The following NOTCH3 variants were observed in gnomAD, a reference collection of about 807,000 sequenced individuals.
NOTCH3 encodes the protein notch receptor 3.
A neutral mutation model predicts 213.3 loss-of-function variants in NOTCH3; 86 were observed. The observed-to-expected ratio is 0.40, with a 90% CI of 0.34 to 0.48. The LOEUF is 0.48. Ranked by LOEUF, NOTCH3 falls within the 20% of genes least tolerant of loss-of-function variation. The probability of loss-of-function intolerance (pLI) is 0.57; values close to 1 mark genes in which losing one functional copy is unlikely to be tolerated. For synonymous variants in NOTCH3, 1,354 were observed against 1,355.9 expected (o/e 1.00, Z 0.03); for missense variants, 2,783 against 3,272.6 (o/e 0.85, Z 3.65).
chr19:15,198,957 G>A (rs764022636), intron 1 of NOTCH3, among the ~76,000 whole-genome samples: 3 of 152,092 alleles, frequency 2.0e-5, no homozygotes, highest in Non-Finnish European at 4.4e-5. Context: ...AAAACAAGAG[G>A]GTGAGTTACA....
At position 15,170,163 on chromosome 19, in the gene NOTCH3, C is replaced by G; in HGVS notation, c.5122G>C (p.Ala1708Pro). The change falls in exon 28 of 33, where the codon GCC becomes CCC. Residue 1708 changes from alanine (A) to proline (P), a missense_variant. Physicochemically the swap from Ala to Pro is conservative, Grantham distance 27. Transcript: ENST00000263388. ...GQDALGMKNM[A>P]KGESLMGEVA... ...TCCCCCATCAGGCTCTCACCCTTGGCCATGTTCCTGGCGGACAATGGGAAG... is the reference window on the plus strand; with the variant it reads ...TCCCCCATCAGGCTCTCACCCTTGGGCATGTTCCTGGCGGACAATGGGAAG... 6.2e-7 allele frequency: 1 copy of G among 1,603,594 alleles called. No individual in the cohort carries two copies. Among genetic ancestry groups the G allele is most frequent in the Non-Finnish European group, 8.5e-7 (1 of 1,174,506 alleles).
At position 15,170,512 on chromosome 19, in the gene NOTCH3, G is replaced by C; in HGVS notation, c.4933C>G (p.Pro1645Ala). ...AAGACAGCGCCCGCCACTAGCAGTG[G>C]CAGCAGCGGGACGCTGGGTTCTGGA... ...EPPEPSVPLL[P>A]LLVAGAVLLL... The change falls in exon 27 of 33, where the codon CCA (proline) becomes GCA (alanine). Residue 1645 changes from proline to alanine, a missense_variant. By Grantham distance (27) the Pro-to-Ala change is conservative. This residue lies in a region of NOTCH3 where 636 missense variants were observed against 801.8 expected (regional missense o/e 0.79). Transcript: ENST00000263388. 1 of 1,610,292 alleles carries C rather than the reference G, an allele frequency of 6.2e-7. No individual in the cohort carries two copies. The highest frequency in any genetic ancestry group is 8.5e-7 in the Non-Finnish European group (1 of 1,179,946).
chr19:15,187,328 G>C lies in NOTCH3; in HGVS notation c.1617C>G (p.Gly539=), dbSNP rs1452333444. ...CGTCCACGTTGCGATCACACAGCGT[G>C]CCCTCAAAGCCTGTGGGGCCAAGAG... ...YECRCAEGFE[G]TLCDRNVDDC... The change falls in exon 11 of 33, where the codon GGC becomes GGG. Residue 539 remains glycine, a synonymous_variant. Transcript: ENST00000263388. 4.3e-6 allele frequency: 7 copies of C among 1,613,026 alleles called. No homozygotes were observed. Among genetic ancestry groups the C allele is most frequent in the Non-Finnish European group, 5.9e-6 (7 of 1,179,698 alleles).
At chr19:15,199,620 C>T (rs1056791632) in intron 1 of NOTCH3, among the ~76,000 whole-genome samples, 4 of 152,162 alleles carry the variant, frequency 2.6e-5, no homozygotes, top group African/African-American at 9.7e-5. Flanking sequence ...TGCAAGTCTG[C>T]GAGTGTGCTG....
At chr19:15,191,928 C>G in intron 4 of NOTCH3, 32 bp downstream of exon 4, 2 of 1,613,682 alleles carry the variant, frequency 1.2e-6, no homozygotes, top group South Asian at 2.2e-5. Context: ...CCACGCCCAC[C>G]CCTCTGACTC....
At position 15,161,553 on chromosome 19, in the gene NOTCH3, A is replaced by G. The variant is rs1297429347; in HGVS notation, c.6075T>C (p.Asp2025=). The G allele has an allele frequency of 6.2e-7, 1 of 1,607,968 alleles. No homozygotes were observed. Among genetic ancestry groups the G allele is most frequent in the African/African-American group, 1.3e-5 (1 of 74,838 alleles). The stretch of plus-strand genomic sequence containing the variant: ...GGGGGCTGCGGGGCCCACTGGGTTG[A>G]TCCAGCAAGCGCACGATGTCCTGGT... ...RLHQDIVRLL[D]QPSGPRSPPG... The change falls in exon 33 of 33, where the codon GAT becomes GAC. Residue 2025 remains aspartate (D), a synonymous_variant. Transcript: ENST00000263388.
rs1185614559 is a variant in NOTCH3 at position 15,181,560 on chromosome 19, C to T, written c.2792+16G>A. On this transcript the variant is annotated intron_variant, in intron 17 of 32. Coordinates refer to ENST00000263388, the MANE Select transcript of NOTCH3 (RefSeq NM_000435.3). The stretch of plus-strand genomic sequence containing the variant: ...CAAGCCAGAGTCCCTGCTCTCCAAG[C>T]AGAGGCCCCGCCCACCTGGGGCTGC... 10 of 1,547,766 alleles carry T rather than the reference C, an allele frequency of 6.5e-6. No individual in the cohort carries two copies. Among genetic ancestry groups the T allele is most frequent in the Non-Finnish European group, 8.7e-6 (10 of 1,144,644 alleles).
rs748862858 is a variant in NOTCH3 at position 15,179,071 on chromosome 19, C to T, written c.3672G>A (p.Gln1224=). Reference sequence around the variant, plus strand: ...GGCAACGGAAACCTCCGCCTGGGTCCTGCAGGCAGTCCCGGGTGTGTGCCG... The same window carrying T: ...GGCAACGGAAACCTCCGCCTGGGTCTTGCAGGCAGTCCCGGGTGTGTGCCG... ...CHAAHTRDCL[Q]DPGGGFRCLC... is the part of the protein sequence containing the mutation. Residue 1224 remains glutamine (Q), a synonymous_variant, in exon 22 of 33, where the codon CAG becomes CAA. Transcript: ENST00000263388. The T allele has an allele frequency of 6.2e-7, 1 of 1,614,238 alleles. No homozygotes were observed. Among genetic ancestry groups the T allele is most frequent in the Non-Finnish European group, 8.5e-7 (1 of 1,180,040 alleles).
chr19:15,179,314 G>C (rs56061231), intron 21 of NOTCH3, 32 bp from the exon 22 acceptor site: 2 of 1,613,400 alleles, frequency 1.2e-6, no homozygotes, highest in Non-Finnish European at 1.7e-6. Context: ...GGTCAAGAGG[G>C]AATGAAGACA....
rs369361948 is a variant in NOTCH3 at position 15,192,419 on chromosome 19, C to T, written c.298G>A (p.Gly100Ser). Residue 100 changes from glycine (G) to serine (S), a missense_variant, in exon 3 of 33, where the codon GGC (glycine) becomes AGC (serine). Transcript: ENST00000263388. Reference protein sequence around the residue: ...RGVCQSSVVAGTARFSCRCPR... With the variant: ...RGVCQSSVVASTARFSCRCPR... The stretch of plus-strand genomic sequence containing the variant: ...CACCGGCATGAGAATCGGGCGGTGC[C>T]AGCCACCACTGAACTCTGGCAGACA... The T allele has an allele frequency of 8.7e-6, 14 of 1,612,266 alleles. No individual in the cohort carries two copies. Among genetic ancestry groups the T allele is most frequent in the Non-Finnish European group, 5.9e-6 (7 of 1,179,940 alleles).
At chr19:15,192,869 C>T (rs187996218) in intron 2 of NOTCH3, among the ~76,000 whole-genome samples, 57 of 152,098 alleles carry the variant, frequency 3.7e-4, no homozygotes, top group Admixed American at 1.2e-3. Flanking sequence ...GAGCCAAGAT[C>T]GCGCCACTGC....
rs1181148801 is a variant in NOTCH3 at position 15,188,362 on chromosome 19, T to C, written c.1379-14A>G. 3.2e-6 allele frequency: 5 copies of C among 1,549,126 alleles called. No individual in the cohort carries two copies. Among genetic ancestry groups the C allele is most frequent in the Non-Finnish European group, 3.5e-6 (4 of 1,129,684 alleles). On this transcript the variant is annotated splice_polypyrimidine_tract_variant and intron_variant, in intron 8 of 32. Transcript: ENST00000263388. ...TTCCTGTGAAGCCTGGGGCAGGGAA[T>C]AGGGCTTAGGAAAGCGGGGGCTACC... is the stretch of plus-strand genomic sequence containing the variant.
At chr19:15,161,924 C>T (rs921254303) in intron 32 of NOTCH3, among the ~76,000 whole-genome samples, 1 of 151,568 alleles carries the variant, frequency 6.6e-6, no homozygotes, top group African/African-American at 2.4e-5. Flanking sequence ...AGGTCAAGGC[C>T]AGGACTAGGG....
chr19:15,170,004 C>T (rs956514247), intron 28 of NOTCH3, 82 bp downstream of exon 28: 2 of 765,688 alleles, frequency 2.6e-6, no homozygotes, highest in Admixed American at 4.1e-5. Flanking sequence ...CCTGATCACG[C>T]CCATCATCCA....
intron 16 of NOTCH3, among the ~76,000 whole-genome samples, chr19:15,183,571 G>A (rs2046856948): frequency 1.3e-5 from 2 of 152,034 alleles, no homozygotes; most frequent in African/African-American, 4.8e-5. Context: ...TGCTAATTTT[G>A]TATTTTTAGT....
chr19:15,180,166 C>T lies in NOTCH3; in HGVS notation c.3233G>A (p.Gly1078Asp). Residue 1078 changes from glycine (G) to aspartate (D), a missense_variant, in exon 20 of 33, where the codon GGT becomes GAT. Transcript: ENST00000263388. Reference sequence around the variant, plus strand: ...GTCCACCTCCTGCTCACAGTGGCTACCAGTACGGCCCTCTGGGCACACGCA... The same window carrying T: ...GTCCACCTCCTGCTCACAGTGGCTATCAGTACGGCCCTCTGGGCACACGCA... ...HYCVCPEGRT[G>D]SHCEQEVDPC... The T allele has an allele frequency of 1.2e-6, 2 of 1,613,770 alleles. No homozygotes were observed. Among genetic ancestry groups the T allele is most frequent in the Non-Finnish European group, 1.7e-6 (2 of 1,179,972 alleles).
Position 15,191,742 on chromosome 19 carries a change from C to T in NOTCH3, c.802+3G>A. 3 of 1,613,822 alleles carry T rather than the reference C, an allele frequency of 1.9e-6. No homozygotes were observed. Among genetic ancestry groups the T allele is most frequent in the Non-Finnish European group, 2.5e-6 (3 of 1,180,046 alleles). ...CCCCGCTCCCTCTGGCCGCAGTGCC[C>T]ACCTGTCCACTCAGGAGGGCACTGG... On this transcript the variant is annotated splice_donor_region_variant and intron_variant, in intron 5 of 32. Transcript: ENST00000263388.
intron 2 of NOTCH3, among the ~76,000 whole-genome samples, chr19:15,193,956 C>T (rs1457706622): frequency 1.3e-5 from 2 of 151,568 alleles, no homozygotes; most frequent in African/African-American, 2.4e-5. Flanking sequence ...GTGGTGCACT[C>T]GTGTAGTCCC....
In NOTCH3 at chr19:15,166,198, C is replaced by T. The variant is rs62113791; in HGVS notation, c.5363-107G>A. On this transcript the variant is annotated intron_variant, in intron 29 of 32. Transcript: ENST00000263388. Reference sequence around the variant, plus strand: ...GCTAATGGGACACATGGAAAAATGACAATTAGCAGATCCTCCTGTCTGCAC... The same window carrying T: ...GCTAATGGGACACATGGAAAAATGATAATTAGCAGATCCTCCTGTCTGCAC... 847,187 of 960,566 alleles carry T rather than the reference C, an allele frequency of 0.88. 374,927 individuals are homozygous for T. The highest frequency in any genetic ancestry group is 0.97 in the African/African-American group (60,101 of 61,884). The allele number at this position is 960,566 out of a possible 1,614,324, so 59.5% of individuals were successfully genotyped here. A position where few individuals can be genotyped will look rare whatever the true frequency, so the allele number is the denominator to read the frequency against.
Sources: gnomAD v4.1 joint callset for allele counts (sites outside exome capture counted in the v4.1 genomes callset) on GRCh38, gnomAD v4.1.1 for gene constraint, gnomAD v4.1.1 regional missense constraint, MANE v1.5 for transcripts, NCBI Gene and HGNC (gene_info 2026-07-23, HGNC 2026-07-21) for gene names.